Variants in RANBP2 observed in about 807,000 individuals in gnomAD.
RANBP2 encodes RAN binding protein 2, also known as E3 SUMO-protein ligase RanBP2.
In RANBP2, 57 loss-of-function variants were observed where a neutral mutation model predicts 303.6. The observed-to-expected ratio is 0.19, with a 90% CI of 0.15 to 0.23. The LOEUF (loss-of-function observed/expected upper bound fraction) is 0.23, where lower values mean the gene tolerates loss of function less well. Among genes scored for constraint, RANBP2 ranks in the 10% least tolerant of loss-of-function variants. RANBP2 has a pLI of 1.00. For synonymous variants in RANBP2, 1,167 were observed against 1,301.5 expected (o/e 0.90, Z 2.23); for missense variants, 3,138 against 3,780.8 (o/e 0.83, Z 4.46).
chr2:109,412,271 C>G, the RANBP2 span, among the ~76,000 whole-genome samples: 1 of 152,258 alleles, frequency 6.6e-6, no homozygotes, highest in Admixed American at 6.5e-5. Flanking sequence ...CATTGCCCCC[C>G]TTTCATTGGA....
In RANBP2 at chr2:108,753,985, T is replaced by G. The variant is rs202098901; in HGVS notation, c.2202+14T>G. ...GTGGTCAAGAAAGTAAGTAGCAGGTTGTTGTATGTACGTTCTTACTGATAA... is the reference window on the plus strand; with the variant it reads ...GTGGTCAAGAAAGTAAGTAGCAGGTGGTTGTATGTACGTTCTTACTGATAA... On this transcript the variant is annotated intron_variant, in intron 15 of 28. Transcript: ENST00000283195. 550 of 1,611,790 alleles carry G rather than the reference T, an allele frequency of 3.4e-4. 3 individuals carry two copies. In the South Asian group the frequency reaches 5.2e-3, roughly 15 times the overall value.
At chr2:109,431,030 T>A in the RANBP2 span, among the ~76,000 whole-genome samples, 1 of 152,246 alleles carries the variant, frequency 6.6e-6, no homozygotes, top group Non-Finnish European at 1.5e-5. Flanking sequence ...GCCAAGAAAC[T>A]TTTAATCTCT....
chr2:109,774,551 AT>A, the RANBP2 span, among the ~76,000 whole-genome samples: 6 of 99,130 alleles, frequency 6.1e-5, 2 homozygotes, highest in South Asian at 3.3e-4. Context: ...AATATATATA[AT>A]ATATATATGT....
At chr2:109,687,369 A>G in the RANBP2 span, among the ~76,000 whole-genome samples, 30 of 152,328 alleles carry the variant, frequency 2.0e-4, 1 homozygote, top group South Asian at 6.2e-3. Flanking sequence ...TTTTGGCTCC[A>G]TAAGATGTTC....
chr2:109,449,339 C>T, the RANBP2 span: 13 of 1,605,542 alleles, frequency 8.1e-6, no homozygotes, highest in Non-Finnish European at 1.1e-5. Flanking sequence ...GGCCGGCCAT[C>T]CCCCTCACAT....
At chr2:109,258,383 G>A in the RANBP2 span, among the ~76,000 whole-genome samples, 3 of 152,306 alleles carry the variant, frequency 2.0e-5, no homozygotes, top group South Asian at 2.1e-4. Flanking sequence ...TAGTGCAGCC[G>A]GGTTTTCTGC....
rs771153109 is a variant in RANBP2, at chr2:108,777,039, C to A, written c.8498-91C>A. The stretch of plus-strand genomic sequence containing the variant: ...ATAACTCCCCTCATCCCAGAGTATA[C>A]AAGTCTCTACTGTTCTCTCTAGGTC... On this transcript the variant is annotated intron_variant, in intron 24 of 28. Transcript: ENST00000283195. 148 of 1,087,400 alleles carry A rather than the reference C, an allele frequency of 1.4e-4. No homozygotes were observed. In the Admixed American group the frequency reaches 2.6e-3, roughly 19 times the overall value. 67.4% of individuals were successfully genotyped at this position (1,087,400 alleles called of 1,614,324 possible).
At chr2:109,633,598 G>C in the RANBP2 span, among the ~76,000 whole-genome samples, 8 of 152,206 alleles carry the variant, frequency 5.3e-5, no homozygotes, top group Admixed American at 2.0e-4. Context: ...AGCAGGACCT[G>C]CCATTGCAGA....
At chr2:108,932,811 T>C in the RANBP2 span, among the ~76,000 whole-genome samples, 2 of 152,194 alleles carry the variant, frequency 1.3e-5, no homozygotes, top group Admixed American at 6.5e-5. Context: ...ATTCAAACCA[T>C]AGCAGCATGG....
chr2:109,409,810 G>A, the RANBP2 span, among the ~76,000 whole-genome samples: 1 of 151,942 alleles, frequency 6.6e-6, no homozygotes, highest in Non-Finnish European at 1.5e-5. Context: ...AGTTTTCTTT[G>A]GGAAGCAAGT....
At chr2:109,372,281 G>T in the RANBP2 span, among the ~76,000 whole-genome samples, 2 of 152,328 alleles carry the variant, frequency 1.3e-5, no homozygotes, top group Admixed American at 1.3e-4. Flanking sequence ...GGTAGCTGCT[G>T]TGCAGAAAGC....
the RANBP2 span, among the ~76,000 whole-genome samples, chr2:109,368,981 C>T: frequency 4.6e-5 from 7 of 152,054 alleles, no homozygotes; most frequent in African/African-American, 1.2e-4. Flanking sequence ...CACAGATTTC[C>T]GGAGCATTCT....
chr2:109,707,520 A>G, the RANBP2 span, among the ~76,000 whole-genome samples: 149,122 of 152,304 alleles, frequency 0.98, 73,087 homozygotes, highest in Middle Eastern at 1. Flanking sequence ...ATAAAACACC[A>G]CTACAATTCT....
intron 21 of RANBP2, 128 bp downstream of exon 21, chr2:108,771,999 C>G: frequency 8.4e-7 from 1 of 1,194,828 alleles, no homozygotes; most frequent in South Asian, 1.3e-5. Context: ...AGATATTTAC[C>G]CTAAATGTAT....
chr2:109,513,928 C>G, the RANBP2 span, among the ~76,000 whole-genome samples: 1 of 152,184 alleles, frequency 6.6e-6, no homozygotes, highest in Non-Finnish European at 1.5e-5. Flanking sequence ...ATGAGCAAAT[C>G]CTAGAAGAGC....
the RANBP2 span, among the ~76,000 whole-genome samples, chr2:108,860,876 G>A: frequency 3.6e-5 from 5 of 138,720 alleles, no homozygotes; most frequent in African/African-American, 1.3e-4. Flanking sequence ...AATAGAATTG[G>A]TATCAGCTCT....
At chr2:109,717,790 T>C in the RANBP2 span, among the ~76,000 whole-genome samples, 3 of 151,326 alleles carry the variant, frequency 2.0e-5, no homozygotes, top group East Asian at 5.8e-4. Context: ...AGCAGGTGCC[T>C]GTAGTCCCAG....
chr2:109,124,173 T>C, the RANBP2 span, among the ~76,000 whole-genome samples: 3 of 151,176 alleles, frequency 2.0e-5, no homozygotes, highest in South Asian at 2.1e-4. Context: ...ACCACATGTA[T>C]TTAATTTTTT....
At chr2:109,056,667 A>G in the RANBP2 span, among the ~76,000 whole-genome samples, 3 of 152,186 alleles carry the variant, frequency 2.0e-5, no homozygotes, top group Non-Finnish European at 4.4e-5. Flanking sequence ...TTCTAAAGAT[A>G]ATTGGTTCTT....
Sources: allele counts gnomAD v4.1 joint callset (sites outside exome capture counted in the v4.1 genomes callset), GRCh38; gene constraint gnomAD v4.1.1; transcripts MANE v1.5; gene names NCBI Gene and HGNC (gene_info 2026-07-23, HGNC 2026-07-21).